Variants in CAMK1D observed in about 807,000 individuals in gnomAD.
The protein encoded by CAMK1D is calcium/calmodulin dependent protein kinase ID, also known as calcium/calmodulin-dependent protein kinase type 1D.
Under a neutral mutation model 47.7 loss-of-function variants are expected in CAMK1D, and 9 were observed. The observed-to-expected ratio is 0.19, with a 90% CI of 0.11 to 0.33. The LOEUF (loss-of-function observed/expected upper bound fraction) is 0.33, where lower values mean the gene tolerates loss of function less well. Ranked by LOEUF, CAMK1D falls within the 10% of genes least tolerant of loss-of-function variation. The probability of loss-of-function intolerance (pLI) is 1.00; values close to 1 mark genes in which losing one functional copy is unlikely to be tolerated. For missense variants in CAMK1D, 291 were observed against 488.7 expected, an observed-to-expected ratio of 0.60 and a Z score of 3.81; for synonymous variants, 184 against 184.9, an observed-to-expected ratio of 0.99 and a Z score of 0.04.
At chr10:12,567,160 T>G (rs1251164657) in intron 2 of CAMK1D, among the ~76,000 whole-genome samples, 1 of 152,180 alleles carries the variant, frequency 6.6e-6, no homozygotes, top group Non-Finnish European at 1.5e-5. Context: ...TTACAGATCG[T>G]GGAATGATCT....
chr10:12,449,311 C>T (rs189014718), intron 1 of CAMK1D, among the ~76,000 whole-genome samples: 66 of 152,146 alleles, frequency 4.3e-4, no homozygotes, highest in Non-Finnish European at 4.9e-4. Context: ...AGGGCCCCGT[C>T]GTCTTGTGTA....
intron 1 of CAMK1D, among the ~76,000 whole-genome samples, chr10:12,355,040 G>T (rs1379628885): frequency 1.3e-5 from 2 of 151,488 alleles, no homozygotes; most frequent in Admixed American, 1.3e-4. Context: ...ACAGAGTTTT[G>T]CTGTGTTGCC....
chr10:12,453,571 ACTGT>A (rs1378699792), intron 1 of CAMK1D, among the ~76,000 whole-genome samples: 3 of 152,158 alleles, frequency 2.0e-5, no homozygotes, highest in African/African-American at 7.2e-5. Flanking sequence ...CTGTCCATGG[ACTGT>A]CTGAGTAACC....
intron 2 of CAMK1D, among the ~76,000 whole-genome samples, chr10:12,616,221 G>A (rs1487763052): frequency 6.6e-6 from 1 of 152,142 alleles, no homozygotes; most frequent in African/African-American, 2.4e-5. Flanking sequence ...CTAACGGTAA[G>A]GAAATAGGAA....
intron 2 of CAMK1D, among the ~76,000 whole-genome samples, chr10:12,584,657 A>C (rs1199933227): frequency 6.6e-6 from 1 of 151,924 alleles, no homozygotes; most frequent in Non-Finnish European, 1.5e-5. Flanking sequence ...ACAGCTCTAC[A>C]AAAAATACAG....
At chr10:12,613,290 G>A (rs1412953141) in intron 2 of CAMK1D, among the ~76,000 whole-genome samples, 1 of 152,182 alleles carries the variant, frequency 6.6e-6, no homozygotes, top group Admixed American at 6.5e-5. Context: ...CCTATAACGG[G>A]CAGCTCTTGC....
At chr10:12,696,578 G>A (rs1037814832) in intron 3 of CAMK1D, among the ~76,000 whole-genome samples, 21 of 152,228 alleles carry the variant, frequency 1.4e-4, no homozygotes, top group African/African-American at 4.8e-4. Flanking sequence ...CCCAAGACTC[G>A]GAATGCTTTC....
At chr10:12,573,937 A>G (rs537633380) in intron 2 of CAMK1D, among the ~76,000 whole-genome samples, 12 of 138,142 alleles carry the variant, frequency 8.7e-5, no homozygotes, top group Non-Finnish European at 1.7e-4. Context: ...TGACGTCCCA[A>G]GGTGCTGGGA....
intron 1 of CAMK1D, among the ~76,000 whole-genome samples, chr10:12,476,593 C>A (rs190568446): frequency 4.4e-4 from 67 of 152,270 alleles, no homozygotes; most frequent in African/African-American, 1.4e-3. Context: ...ACAAAAATTT[C>A]TCTTATCATG....
In CAMK1D at chr10:12,457,363, C is replaced by A. The variant is rs141641583; in HGVS notation, c.93-95862C>A. Among the ~76,000 whole-genome samples, 733 of 151,300 alleles carry A rather than the reference C, an allele frequency of 4.8e-3. 9 individuals are homozygous for A. The highest frequency in any genetic ancestry group is 0.017 in the African/African-American group (690 of 41,196). On this transcript the variant is annotated intron_variant, in intron 1 of 10. Transcript: ENST00000619168. ...CCGAGATCGAGCCACTGCCCTCCAG[C>A]CTGGGTGACAGAGCGAGACTCTGTC...
intron 1 of CAMK1D, among the ~76,000 whole-genome samples, chr10:12,468,010 T>C (rs556029963): frequency 6.6e-6 from 1 of 152,336 alleles, no homozygotes; most frequent in South Asian, 2.1e-4. Flanking sequence ...GAAATTGATA[T>C]AGTTCATGTC....
intron 1 of CAMK1D, among the ~76,000 whole-genome samples, chr10:12,372,206 A>G (rs1404585023): frequency 6.6e-6 from 1 of 152,166 alleles, no homozygotes; most frequent in African/African-American, 2.4e-5. Context: ...CTCCTAAAAG[A>G]TGCATTTCTC....
chr10:12,818,435 C>A (rs1259006975), intron 8 of CAMK1D, among the ~76,000 whole-genome samples: 1 of 152,126 alleles, frequency 6.6e-6, no homozygotes, highest in Non-Finnish European at 1.5e-5. Context: ...CTTTGGGAGG[C>A]CAAGGCGGGT....
intron 1 of CAMK1D, among the ~76,000 whole-genome samples, chr10:12,369,032 A>T (rs1339654742): frequency 6.6e-6 from 1 of 152,018 alleles, no homozygotes; most frequent in Non-Finnish European, 1.5e-5. Context: ...GACCAGAATG[A>T]TCTCAATCTC....
At chr10:12,453,186 CTTTTTTCTT>C (rs1833139163) in intron 1 of CAMK1D, among the ~76,000 whole-genome samples, 1 of 122,842 alleles carries the variant, frequency 8.1e-6, no homozygotes, top group African/African-American at 3.2e-5. Flanking sequence ...TCTTCTTTTT[CTTTTTTCTT>C]TTTTTTTTTT....
Position 12,798,502 on chromosome 10 carries a change from C to T in CAMK1D, c.641+7269C>T, listed in dbSNP as rs557946846. Among the ~76,000 whole-genome samples the T allele has an allele frequency of 6.6e-5, 10 of 152,272 alleles. 1 individual carries two copies. The South Asian group carries it at 2.1e-3, about 32-fold the overall frequency. On this transcript the variant is annotated intron_variant, in intron 6 of 10. Transcript: ENST00000619168. ...CTCCTAGAACAGAGCTGGGACTCTG[C>T]CCTGGCCTGAGGAAGCCTTCCCAGG... is the stretch of plus-strand genomic sequence containing the variant.
intron 1 of CAMK1D, among the ~76,000 whole-genome samples, chr10:12,447,927 A>C (rs1482487835): frequency 6.6e-6 from 1 of 152,074 alleles, no homozygotes; most frequent in Non-Finnish European, 1.5e-5. Context: ...ATCTCGGCTC[A>C]CTGAAACCTC....
intron 6 of CAMK1D, among the ~76,000 whole-genome samples, chr10:12,791,644 T>C (rs113481944): frequency 8.8e-4 from 131 of 149,482 alleles, no homozygotes; most frequent in Non-Finnish European, 1.7e-3. Flanking sequence ...TGGTGTAGCA[T>C]GGGTCAGAAT....
chr10:12,359,310 A>G (rs1033322904), intron 1 of CAMK1D, among the ~76,000 whole-genome samples: 1 of 152,160 alleles, frequency 6.6e-6, no homozygotes, highest in African/African-American at 2.4e-5. Flanking sequence ...CCCGCTCTCT[A>G]TCATTTATCC....
Sources: allele counts gnomAD v4.1 joint callset (sites outside exome capture counted in the v4.1 genomes callset), GRCh38; gene constraint gnomAD v4.1.1; transcripts MANE v1.5; gene names NCBI Gene and HGNC (gene_info 2026-07-23, HGNC 2026-07-21).